Variants in STK32B observed in about 807,000 individuals in gnomAD.
STK32B encodes serine/threonine-protein kinase 32B.
A neutral mutation model predicts 52.6 loss-of-function variants in STK32B; 43 were observed. That is an observed-to-expected ratio of 0.82 (90% CI 0.64 to 1.05). The LOEUF (loss-of-function observed/expected upper bound fraction) is 1.05, where lower values mean the gene tolerates loss of function less well. STK32B is among the 50% of genes least tolerant of loss of function. STK32B has a pLI of 0.00. For synonymous variants in STK32B, 238 were observed against 204.3 expected, an observed-to-expected ratio of 1.17 and a Z score of -1.41; for missense variants, 621 against 534.6, an observed-to-expected ratio of 1.16 and a Z score of -1.59.
intron 2 of STK32B, among the ~76,000 whole-genome samples, chr4:5,141,289 A>G (rs924828376): frequency 1.3e-5 from 2 of 152,164 alleles, no homozygotes; most frequent in Non-Finnish European, 2.9e-5. Flanking sequence ...TAATAGCATG[A>G]CATGTGAGCA....
rs1741791106 is a variant in STK32B, at chr4:5,051,758, C to A, written c.-106C>A. On this transcript the variant is annotated 5_prime_UTR_variant, in exon 1 of 12. Transcript: ENST00000282908. ...CCTCGGGCTCCGCGCGCGGCTACAA[C>A]CCGGACTGGGCGCGCCCCCGGCATC... 10 of 1,498,454 alleles carry A rather than the reference C, an allele frequency of 6.7e-6. No individual in the cohort carries two copies. The highest frequency in any genetic ancestry group is 4.2e-5 in the African/African-American group (3 of 71,042). 92.8% of individuals were successfully genotyped at this position (1,498,454 alleles called of 1,614,324 possible).
At chr4:5,155,011 C>T (rs968697365) in intron 2 of STK32B, among the ~76,000 whole-genome samples, 1 of 152,236 alleles carries the variant, frequency 6.6e-6, no homozygotes, top group Non-Finnish European at 1.5e-5. Context: ...TCTGACTCTG[C>T]TTTCTATCCT....
chr4:5,424,861 A>G (rs1365320140), intron 6 of STK32B, among the ~76,000 whole-genome samples: 2 of 152,204 alleles, frequency 1.3e-5, no homozygotes, highest in Non-Finnish European at 2.9e-5. Context: ...GTAGCCCTAC[A>G]GGGAGCCCAG....
chr4:5,311,031 G>A (rs1201550839), intron 3 of STK32B, among the ~76,000 whole-genome samples: 2 of 152,142 alleles, frequency 1.3e-5, no homozygotes, highest in Non-Finnish European at 2.9e-5. Flanking sequence ...GGTTACTAAT[G>A]GTGGGGAAAA....
intron 1 of STK32B, among the ~76,000 whole-genome samples, chr4:5,139,097 G>C (rs1425547791): frequency 6.6e-6 from 1 of 152,198 alleles, no homozygotes; most frequent in Non-Finnish European, 1.5e-5. Context: ...AGAAGATGGT[G>C]GATTAGACCA....
chr4:5,196,498 AGATCAC>A (rs530407483), intron 3 of STK32B, among the ~76,000 whole-genome samples: 95 of 152,068 alleles, frequency 6.2e-4, no homozygotes, highest in Non-Finnish European at 1.1e-3. Flanking sequence ...CACGGTGCGT[AGATCAC>A]GAGGTCAGGA....
chr4:5,049,801 A>G (rs1261622337), upstream of STK32B, among the ~76,000 whole-genome samples: 6 of 152,066 alleles, frequency 3.9e-5, no homozygotes, highest in African/African-American at 1.4e-4. Context: ...TGGCCAGGCT[A>G]GTCTCAAACT....
At chr4:5,271,655 T>C (rs1727439143) in intron 3 of STK32B, among the ~76,000 whole-genome samples, 1 of 147,986 alleles carries the variant, frequency 6.8e-6, no homozygotes, top group Admixed American at 6.6e-5. Context: ...GTTCTTCCAT[T>C]TGTTTGTATC....
rs192779364 is a variant in STK32B, at chr4:5,095,500, A to G, written c.52+43585A>G. Among the ~76,000 whole-genome samples the G allele has an allele frequency of 3.3e-5, 5 of 152,258 alleles. No homozygotes were observed. The East Asian group carries it at 9.7e-4, about 29-fold the overall frequency. The stretch of plus-strand genomic sequence containing the variant: ...CGTGGTGGCACATGCCTGTAGTCCC[A>G]GCTACTTGGGAGGCTGAGGCAGGAG... On this transcript the variant is annotated intron_variant, in intron 1 of 11. Transcript: ENST00000282908.
chr4:5,048,906 A>G (rs1190265699), upstream of STK32B, among the ~76,000 whole-genome samples: 2 of 152,206 alleles, frequency 1.3e-5, no homozygotes, highest in East Asian at 3.9e-4. Context: ...CACATTCTCT[A>G]TGGATGGGGA....
At chr4:5,356,747 A>G (rs956288788) in intron 4 of STK32B, among the ~76,000 whole-genome samples, 1 of 152,212 alleles carries the variant, frequency 6.6e-6, no homozygotes, top group African/African-American at 2.4e-5. Flanking sequence ...CTGTAATCCC[A>G]GCACTTTGGG....
rs775992699 is a variant in STK32B, at chr4:5,378,228, C to A, written c.435-19979C>A. On this transcript the variant is annotated intron_variant, in intron 4 of 11. Transcript: ENST00000282908. The surrounding 1 kb of genome is among the most constrained non-coding windows in gnomAD (Gnocchi z 4.4). ...CAGCAGGCACTTTATGAAAGACAGA[C>A]GTTAGAGGGGAGGGAAGACAGGCAA... Among the ~76,000 whole-genome samples, 1 of 152,040 alleles carries A rather than the reference C, an allele frequency of 6.6e-6. No individual in the cohort carries two copies. Among genetic ancestry groups the A allele is most frequent in the African/African-American group, 2.4e-5 (1 of 41,368 alleles).
intron 4 of STK32B, among the ~76,000 whole-genome samples, chr4:5,373,055 G>A (rs1265342976): frequency 1.3e-5 from 2 of 152,142 alleles, no homozygotes; most frequent in Non-Finnish European, 2.9e-5. Context: ...TATAAAGCCA[G>A]AAAAAGCTTT....
At chr4:5,256,424 G>T (rs1330421207) in intron 3 of STK32B, among the ~76,000 whole-genome samples, 2 of 152,132 alleles carry the variant, frequency 1.3e-5, no homozygotes, top group South Asian at 4.1e-4. Flanking sequence ...AAGGAGTTTG[G>T]TACTTAAAAG....
At chr4:5,447,631 GTC>G (rs1183023090) in intron 7 of STK32B, among the ~76,000 whole-genome samples, 1 of 152,170 alleles carries the variant, frequency 6.6e-6, no homozygotes, top group African/African-American at 2.4e-5. Flanking sequence ...GTGAGGCCCT[GTC>G]TCAGAAAAAG....
chr4:5,431,052 G>A (rs1163781786), intron 6 of STK32B, among the ~76,000 whole-genome samples: 1 of 152,190 alleles, frequency 6.6e-6, no homozygotes, highest in Non-Finnish European at 1.5e-5. Context: ...GGGATCTTAG[G>A]GGTGATCCTA....
At chr4:5,127,823 G>C (rs1462237348) in intron 1 of STK32B, among the ~76,000 whole-genome samples, 2 of 152,086 alleles carry the variant, frequency 1.3e-5, no homozygotes, top group African/African-American at 4.8e-5. Flanking sequence ...TAGGGACCTC[G>C]TGGGAGGTAA....
Position 5,490,575 on chromosome 4 carries a change from A to T in STK32B, c.1107-8370A>T, listed in dbSNP as rs572301067. Among the ~76,000 whole-genome samples the T allele has an allele frequency of 1.3e-4, 19 of 151,902 alleles. 1 individual carries two copies. The South Asian group carries it at 3.1e-3, about 25-fold the overall frequency. On this transcript the variant is annotated intron_variant, in intron 11 of 11. Transcript: ENST00000282908. Reference sequence around the variant, plus strand: ...GCCTCGTCTTTTTTTTTAATTTTTTAAATTTTTTTATTATTATACTTTAAG... The same window carrying T: ...GCCTCGTCTTTTTTTTTAATTTTTTTAATTTTTTTATTATTATACTTTAAG...
At chr4:5,189,584 T>C (rs1299816933) in intron 3 of STK32B, among the ~76,000 whole-genome samples, 2 of 152,206 alleles carry the variant, frequency 1.3e-5, no homozygotes, top group Admixed American at 6.5e-5. Flanking sequence ...TGCTTCCAGG[T>C]TTTGGCAAGT....
Sources: allele counts gnomAD v4.1 joint callset (sites outside exome capture counted in the v4.1 genomes callset), GRCh38; gene constraint gnomAD v4.1.1; non-coding constraint Gnocchi (gnomAD v3.1); transcripts MANE v1.5; gene names NCBI Gene and HGNC (gene_info 2026-07-23, HGNC 2026-07-21).